The following TBC1D13 variants were observed in gnomAD, a reference collection of about 807,000 sequenced individuals.
TBC1D13 encodes the protein epididymis secretory sperm binding protein.
TBC1D13 carries 40 observed loss-of-function variants against 53.6 expected under a neutral mutation model. That is an observed-to-expected ratio of 0.75 (90% CI 0.58 to 0.97). The LOEUF is 0.97. TBC1D13 is among the 50% of genes least tolerant of loss of function. The pLI, the probability that TBC1D13 is intolerant of heterozygous loss-of-function variation, is 0.00. For synonymous variants in TBC1D13, 182 were observed against 197.7 expected, an observed-to-expected ratio of 0.92 and a Z score of 0.67; for missense variants, 377 against 499.4, an observed-to-expected ratio of 0.75 and a Z score of 2.34.
chr9:128,798,672 T>C (rs1416217309), intron 7 of TBC1D13, among the ~76,000 whole-genome samples: 1 of 152,140 alleles, frequency 6.6e-6, no homozygotes, highest in Non-Finnish European at 1.5e-5. Flanking sequence ...TCTGAGAAGC[T>C]CCTTGTAGTC....
intron 2 of TBC1D13, among the ~76,000 whole-genome samples, chr9:128,789,392 A>C (rs1385690557): frequency 6.7e-6 from 1 of 150,266 alleles, no homozygotes; most frequent in African/African-American, 2.4e-5. Flanking sequence ...GGAGGTATTC[A>C]CTCATGTTCA....
Position 128,809,753 on chromosome 9 carries a change from G to C in TBC1D13, c.*1874G>C, listed in dbSNP as rs1200030830. 6.6e-6 allele frequency: 1 copy of C among 152,196 alleles called. No homozygotes were observed. The highest frequency in any genetic ancestry group is 2.4e-5 in the African/African-American group (1 of 41,432). 9.4% of individuals were successfully genotyped at this position (152,196 alleles called of 1,614,324 possible). A position where few individuals can be genotyped will look rare whatever the true frequency, so the allele number is the denominator to read the frequency against. ...CTAGGAACTGCCTGGTTTTCGAGCA[G>C]GTCCTGGCTGAGCGGGCTCTGAGTT... On this transcript the variant is annotated 3_prime_UTR_variant, in exon 12 of 12. Transcript: ENST00000372648.
chr9:128,800,342 C>T (rs1211072769), intron 7 of TBC1D13, among the ~76,000 whole-genome samples: 2 of 146,198 alleles, frequency 1.4e-5, no homozygotes, highest in East Asian at 2.0e-4. Flanking sequence ...CAGTAGGGAT[C>T]ATCATCTCTT....
chr9:128,798,951 C>T (rs1829684545), intron 7 of TBC1D13, among the ~76,000 whole-genome samples: 1 of 152,138 alleles, frequency 6.6e-6, no homozygotes, highest in Non-Finnish European at 1.5e-5. Context: ...TGAGCTTAAG[C>T]GATCCTCCTA....
chr9:128,789,273 G>A (rs565704552), intron 2 of TBC1D13, among the ~76,000 whole-genome samples: 2 of 122,768 alleles, frequency 1.6e-5, no homozygotes, highest in East Asian at 2.4e-4. Flanking sequence ...CCGAGATTGC[G>A]CCATTGCACT....
At chr9:128,796,978 T>C (rs1288290169) in intron 6 of TBC1D13, 77 bp from the exon 7 acceptor site, 2 of 1,528,372 alleles carry the variant, frequency 1.3e-6, no homozygotes, top group African/African-American at 1.4e-5. Context: ...TTGGGGAGTC[T>C]TGGGGTCTCC....
At chr9:128,790,206 G>A (rs1829505228) in intron 2 of TBC1D13, among the ~76,000 whole-genome samples, 1 of 131,056 alleles carries the variant, frequency 7.6e-6, no homozygotes, top group African/African-American at 2.9e-5. Context: ...GCAGTGAGCA[G>A]AAATCACGCC....
chr9:128,808,082 C>T lies in TBC1D13; in HGVS notation c.*203C>T. Reference sequence around the variant, plus strand: ...GCTCCCCACCTGCCCTGCACTCTGCCCTCTTTGCCCAGGATACTGAGGAGG... The same window carrying T: ...GCTCCCCACCTGCCCTGCACTCTGCTCTCTTTGCCCAGGATACTGAGGAGG... On this transcript the variant is annotated 3_prime_UTR_variant, in exon 12 of 12. Transcript: ENST00000372648. 1.7e-6 allele frequency: 1 copy of T among 585,498 alleles called. No homozygotes were observed. Among genetic ancestry groups the T allele is most frequent in the South Asian group, 2.0e-5 (1 of 50,666 alleles). The allele number at this position is 585,498 out of a possible 1,614,324, so 36.3% of individuals were successfully genotyped here.
At chr9:128,788,474 G>A (rs1829471037) in intron 2 of TBC1D13, 67 bp downstream of exon 2, 2 of 1,446,468 alleles carry the variant, frequency 1.4e-6, no homozygotes, top group Non-Finnish European at 1.9e-6. Context: ...ACAGGGGGAG[G>A]CCACACCTGG....
intron 9 of TBC1D13, 109 bp downstream of exon 9, chr9:128,804,228 G>C: frequency 7.9e-7 from 1 of 1,259,080 alleles, no homozygotes; most frequent in Non-Finnish European, 1.1e-6. Flanking sequence ...AGAAGTAGCT[G>C]CTGCTGCTGC....
At chr9:128,796,979 TG>T in intron 6 of TBC1D13, 75 bp from the exon 7 acceptor site, 1 of 1,529,198 alleles carries the variant, frequency 6.5e-7, no homozygotes, top group Non-Finnish European at 9.0e-7. Flanking sequence ...TGGGGAGTCT[TG>T]GGGTCTCCTG....
rs1246983433 is a variant in TBC1D13 at position 128,794,539 on chromosome 9, A to ACG, written c.383+1965_383+1966insCG. Reference sequence around the variant, plus strand: ...CACCCAGGCTGGAGTGCAGTGGTGCAATCTCGGCTCACTGCAACATCCGCT... The same window carrying ACG: ...CACCCAGGCTGGAGTGCAGTGGTGCACGATCTCGGCTCACTGCAACATCCGCT... On this transcript the variant is annotated intron_variant, in intron 6 of 11. Transcript: ENST00000372648. 7.5e-3 allele frequency among the ~76,000 whole-genome samples: 1,117 copies of ACG among 148,218 alleles called. 13 individuals carry two copies. Among genetic ancestry groups the ACG allele is most frequent in the South Asian group, 0.013 (61 of 4,546 alleles).
At chr9:128,790,641 C>T (rs1445245871) in intron 2 of TBC1D13, 94 bp from the exon 3 acceptor site, 48 of 1,168,334 alleles carry the variant, frequency 4.1e-5, no homozygotes, top group Middle Eastern at 2.0e-4. Flanking sequence ...GTACTTCTTG[C>T]CCACTCTACT....
In TBC1D13 at chr9:128,806,036, G is replaced by A. The variant is rs773597555; in HGVS notation, c.1079+17G>A. ...CATGCTCATGTGAGTGCGGGCATGA[G>A]CTGTCATCAGCTCACCTGGGCAGTC... is the stretch of plus-strand genomic sequence containing the variant. On this transcript the variant is annotated intron_variant, in intron 10 of 11. Coordinates refer to ENST00000372648, the MANE Select transcript of TBC1D13 (RefSeq NM_018201.5). The A allele has an allele frequency of 6.2e-6, 10 of 1,610,776 alleles. No homozygotes were observed. The South Asian group carries it at 7.7e-5, about 12-fold the overall frequency.
At position 128,791,597 on chromosome 9, in the gene TBC1D13, G is replaced by A; in HGVS notation, c.204G>A (p.Glu68=). 1 of 1,614,162 alleles carries A rather than the reference G, an allele frequency of 6.2e-7. No homozygotes were observed. The highest frequency in any genetic ancestry group is 1.7e-4 in the Middle Eastern group (1 of 6,058). The change falls in exon 5 of 12, where the codon GAG becomes GAA. Residue 68 remains glutamate, a synonymous_variant. Coordinates refer to ENST00000372648, the MANE Select transcript of TBC1D13 (RefSeq NM_018201.5). ...CCTTCTCACTTGTCTCCTGCAGGGAGCTGTATGCCCAGTTCCTGAGGGAAA... is the reference window on the plus strand; with the variant it reads ...CCTTCTCACTTGTCTCCTGCAGGGAACTGTATGCCCAGTTCCTGAGGGAAA... ...SWTSILAKQR[E]LYAQFLREMI... is the part of the protein sequence containing the mutation.
rs1572913 is a variant in TBC1D13, at chr9:128,803,031, C to T, written c.544-219C>T. 9.0e-3 allele frequency among the ~76,000 whole-genome samples: 1,374 copies of T among 152,130 alleles called. 23 individuals are homozygous for T. Among genetic ancestry groups the T allele is most frequent in the African/African-American group, 0.032 (1,312 of 41,508 alleles). On this transcript the variant is annotated intron_variant, in intron 7 of 11. Transcript: ENST00000372648. The stretch of plus-strand genomic sequence containing the variant: ...AATACAGGCATGAGCTATTGTGGCC[C>T]GCCCATGTTGTCTCTTTTTTTGTTT...
rs769359597 is a variant in TBC1D13, at chr9:128,788,388, G to T, written c.78G>T (p.Leu26=). ...AGCCCTCAATTGCATTGGAAAAGCT[G>T]CGGGAACTCAGCTTTAGTGGTAAGA... is the stretch of plus-strand genomic sequence containing the variant. The part of the protein sequence containing the change: ...LKEPSIALEK[L]RELSFSGIPC... Residue 26 remains leucine, a synonymous_variant, in exon 2 of 12, where the codon CTG becomes CTT. Transcript: ENST00000372648. 6.2e-7 allele frequency: 1 copy of T among 1,614,134 alleles called. No homozygotes were observed. Among genetic ancestry groups the T allele is most frequent in the South Asian group, 1.1e-5 (1 of 91,080 alleles).
At chr9:128,804,637 C>G (rs1255545597) in intron 9 of TBC1D13, among the ~76,000 whole-genome samples, 1 of 151,460 alleles carries the variant, frequency 6.6e-6, no homozygotes. Context: ...TGATGATCTC[C>G]TGACCTCGTA....
rs144042524 is a variant in TBC1D13 at position 128,787,700 on chromosome 9, C to T, written c.23+324C>T. ...TTTGATCCCCCTGCTCCCGTACTCT[C>T]TCCAAGTGCACCCTGTCCCCCGTGC... On this transcript the variant is annotated intron_variant, in intron 1 of 11. Coordinates refer to ENST00000372648, the MANE Select transcript of TBC1D13 (RefSeq NM_018201.5). 3.5e-3 allele frequency among the ~76,000 whole-genome samples: 518 copies of T among 146,812 alleles called. 1 individual carries two copies. The highest frequency in any genetic ancestry group is 0.012 in the African/African-American group (474 of 39,932).
Sources: allele counts gnomAD v4.1 joint callset (sites outside exome capture counted in the v4.1 genomes callset), GRCh38; gene constraint gnomAD v4.1.1; transcripts MANE v1.5; gene names NCBI Gene and HGNC (gene_info 2026-07-23, HGNC 2026-07-21).